ALPK2: variants seen among roughly 807,000 people sequenced by gnomAD.
ALPK2 encodes alpha-protein kinase 2.
ALPK2 carries 127 observed loss-of-function variants against 163.1 expected under a neutral mutation model. That is an observed-to-expected ratio of 0.78 (90% CI 0.67 to 0.90). ALPK2 has a LOEUF of 0.90. Ranked by LOEUF, ALPK2 falls within the 40% of genes least tolerant of loss-of-function variation. ALPK2 has a pLI of 0.00. For missense variants in ALPK2, 2,360 were observed against 2,589.6 expected (o/e 0.91, Z 1.92); for synonymous variants, 953 against 959.1 (o/e 0.99, Z 0.12).
At chr18:58,523,550 A>G (rs1186270909) in intron 8 of ALPK2, among the ~76,000 whole-genome samples, 13 of 152,254 alleles carry the variant, frequency 8.5e-5, no homozygotes, top group South Asian at 4.1e-4. Flanking sequence ...AAGTGTTTCT[A>G]TTTCTCCACA....
intron 11 of ALPK2, among the ~76,000 whole-genome samples, chr18:58,502,720 A>C (rs181102611): frequency 6.6e-6 from 1 of 152,154 alleles, no homozygotes; most frequent in Non-Finnish European, 1.5e-5. Context: ...CCACACCCCA[A>C]CCACTTCTGT....
At chr18:58,610,967 G>A (rs2052126404) in intron 2 of ALPK2, among the ~76,000 whole-genome samples, 1 of 151,598 alleles carries the variant, frequency 6.6e-6, no homozygotes, top group Non-Finnish European at 1.5e-5. Flanking sequence ...AGTGGCGGGT[G>A]CCTGTAATCT....
intron 9 of ALPK2, among the ~76,000 whole-genome samples, chr18:58,515,713 A>T (rs992730905): frequency 1.3e-5 from 2 of 152,248 alleles, no homozygotes; most frequent in Non-Finnish European, 2.9e-5. Flanking sequence ...CTGCCTTCAG[A>T]AGCACAAAGT....
chr18:58,627,166 A>G (rs2052235221), intron 1 of ALPK2, among the ~76,000 whole-genome samples: 1 of 152,186 alleles, frequency 6.6e-6, no homozygotes, highest in South Asian at 2.1e-4. Flanking sequence ...ACTCAACTGC[A>G]TCGCATCACA....
chr18:58,600,068 G>A (rs1201436900), intron 3 of ALPK2, among the ~76,000 whole-genome samples: 11 of 114,676 alleles, frequency 9.6e-5, no homozygotes, highest in South Asian at 2.8e-4. Context: ...ACAGAGTCTC[G>A]CTCTGTTGCC....
chr18:58,528,012 G>A (rs573139654), intron 6 of ALPK2, among the ~76,000 whole-genome samples: 1 of 152,136 alleles, frequency 6.6e-6, no homozygotes, highest in South Asian at 2.1e-4. Flanking sequence ...CATTTCTTAG[G>A]GAGCTAAACT....
Position 58,504,007 on chromosome 18 carries a change from A to C in ALPK2, c.6171T>G (p.Ala2057=). The change falls in exon 11 of 13, where the codon GCT becomes GCG. Residue 2057 remains alanine (A), a synonymous_variant. Coordinates refer to ENST00000361673, the MANE Select transcript of ALPK2 (RefSeq NM_052947.4). Reference sequence around the variant, plus strand: ...GCTGGAAGGTGCAACATTTCTGACCAGCTTCTGATTCTCTTCTCAAGAAGT... The same window carrying C: ...GCTGGAAGGTGCAACATTTCTGACCCGCTTCTGATTCTCTTCTCAAGAAGT... ...EINFLRRESE[A]GQKCCTFQHW... is the part of the protein sequence containing the mutation. The C allele has an allele frequency of 6.2e-7, 1 of 1,614,208 alleles. No individual in the cohort carries two copies. Among genetic ancestry groups the C allele is most frequent in the Non-Finnish European group, 8.5e-7 (1 of 1,180,040 alleles).
At chr18:58,627,148 A>G (rs1004600465) in intron 1 of ALPK2, among the ~76,000 whole-genome samples, 1 of 152,190 alleles carries the variant, frequency 6.6e-6, no homozygotes, top group Non-Finnish European at 1.5e-5. Flanking sequence ...ATCCAGAGTA[A>G]GATACTAACT....
chr18:58,627,427 C>A (rs1245228999), intron 1 of ALPK2, among the ~76,000 whole-genome samples: 2 of 152,048 alleles, frequency 1.3e-5, no homozygotes, highest in Non-Finnish European at 2.9e-5. Flanking sequence ...TCAAGACCAG[C>A]CTGGCCAACA....
In ALPK2 at chr18:58,502,911, G is replaced by A. The variant is rs377011381; in HGVS notation, c.6247+1020C>T. On this transcript the variant is annotated intron_variant, in intron 11 of 12. Coordinates refer to ENST00000361673, the MANE Select transcript of ALPK2 (RefSeq NM_052947.4). ...CTGGTAGTTGGTGTATACACACTCC[G>A]GCTCCCTCACTGAGAAGTGTGCTTT... is the stretch of plus-strand genomic sequence containing the variant. 3.9e-5 allele frequency among the ~76,000 whole-genome samples: 6 copies of A among 152,328 alleles called. No homozygotes were observed. In the East Asian group the frequency reaches 5.8e-4, roughly 15 times the overall value.
intron 3 of ALPK2, among the ~76,000 whole-genome samples, chr18:58,587,440 G>T (rs1250814613): frequency 2.0e-5 from 3 of 152,238 alleles, no homozygotes; most frequent in Non-Finnish European, 1.5e-5. Flanking sequence ...CCCTAGACTT[G>T]CTAAACACAA....
chr18:58,516,199 G>A (rs2051520500), intron 9 of ALPK2, among the ~76,000 whole-genome samples: 1 of 150,468 alleles, frequency 6.6e-6, no homozygotes, highest in Non-Finnish European at 1.5e-5. Context: ...CAGCCTGGGG[G>A]AAAGAGTGAG....
intron 6 of ALPK2, 24 bp from the exon 7 acceptor site, chr18:58,524,086 GAC>G: frequency 1.3e-6 from 2 of 1,597,842 alleles, no homozygotes; most frequent in Admixed American, 3.4e-5. Context: ...TATTCACATT[GAC>G]ACACTTCATC....
At chr18:58,627,990 T>C (rs1400606842) in intron 1 of ALPK2, among the ~76,000 whole-genome samples, 1 of 152,228 alleles carries the variant, frequency 6.6e-6, no homozygotes. Flanking sequence ...CAGAAGCAGC[T>C]CTAAATGCCG....
chr18:58,497,841 A>G (rs1248130162), intron 12 of ALPK2, among the ~76,000 whole-genome samples: 1 of 152,228 alleles, frequency 6.6e-6, no homozygotes, highest in Admixed American at 6.5e-5. Flanking sequence ...CATTTGTTTC[A>G]AAGTTAAGAA....
At chr18:58,538,341 T>C (rs2051668934) in intron 4 of ALPK2, 117 bp from the exon 5 acceptor site, 4 of 986,560 alleles carry the variant, frequency 4.1e-6, no homozygotes, top group Admixed American at 2.7e-5. Flanking sequence ...CAAGAATGAT[T>C]GAAATCTAAA....
At chr18:58,625,806 T>C (rs1209347010) in intron 1 of ALPK2, among the ~76,000 whole-genome samples, 3 of 152,218 alleles carry the variant, frequency 2.0e-5, no homozygotes, top group African/African-American at 7.2e-5. Context: ...AGAACTGAAC[T>C]CTCGGAATTG....
chr18:58,581,437 T>C (rs2051958821), intron 3 of ALPK2, among the ~76,000 whole-genome samples: 1 of 152,218 alleles, frequency 6.6e-6, no homozygotes. Flanking sequence ...CCACAGGCCA[T>C]TCTGACTCAC....
intron 8 of ALPK2, among the ~76,000 whole-genome samples, chr18:58,517,966 CAT>C (rs1279097443): frequency 2.6e-4 from 39 of 152,078 alleles, no homozygotes; most frequent in African/African-American, 6.3e-4. Context: ...GGATTCTACA[CAT>C]GTTTGAGATG....
Sources: allele counts gnomAD v4.1 joint callset (sites outside exome capture counted in the v4.1 genomes callset), GRCh38; gene constraint gnomAD v4.1.1; transcripts MANE v1.5; gene names NCBI Gene and HGNC (gene_info 2026-07-23, HGNC 2026-07-21).